Variants in CHSY1 observed in about 807,000 individuals in gnomAD.
CHSY1 encodes chondroitin sulfate synthase 1, also known as N-acetylgalactosaminyl-proteoglycan 3-beta-glucuronosyltransferase 1.
In CHSY1, 13 loss-of-function variants were observed where a neutral mutation model predicts 59.8. The observed-to-expected ratio is 0.22, with a 90% confidence interval of 0.14 to 0.35. The LOEUF (loss-of-function observed/expected upper bound fraction) is 0.35. Ranked by LOEUF, CHSY1 falls within the 10% of genes least tolerant of loss-of-function variation. The pLI is 1.00. For synonymous variants in CHSY1, 459 were observed against 401.2 expected, an observed-to-expected ratio of 1.14 and a Z score of -1.72; for missense variants, 947 against 1,030.6, an observed-to-expected ratio of 0.92 and a Z score of 1.11.
intron 2 of CHSY1, among the ~76,000 whole-genome samples, chr15:101,223,097 G>T (rs982036491): frequency 5.3e-5 from 8 of 152,208 alleles, no homozygotes; most frequent in Non-Finnish European, 1.2e-4. Context: ...AGGTTCAAGT[G>T]ATTTTCCTGC....
At chr15:101,187,306 C>T (rs2038383328) in intron 2 of CHSY1, among the ~76,000 whole-genome samples, 1 of 152,148 alleles carries the variant, frequency 6.6e-6, no homozygotes, top group East Asian at 1.9e-4. Flanking sequence ...TGGTGAAACA[C>T]TGTTTCTATT....
intron 2 of CHSY1, among the ~76,000 whole-genome samples, chr15:101,216,116 G>C (rs2038729257): frequency 6.8e-6 from 1 of 146,426 alleles, no homozygotes; most frequent in East Asian, 2.3e-4. Context: ...TAGAAACACA[G>C]TACCAAATAA....
intron 2 of CHSY1, among the ~76,000 whole-genome samples, chr15:101,194,084 A>G (rs565448304): frequency 3.3e-5 from 5 of 152,398 alleles, no homozygotes. Context: ...TTTAAAAGTG[A>G]AAGTGACTCG....
At chr15:101,245,479 T>C (rs903196983) in intron 1 of CHSY1, among the ~76,000 whole-genome samples, 4 of 152,176 alleles carry the variant, frequency 2.6e-5, no homozygotes, top group East Asian at 1.9e-4. Context: ...CTGACAGCCC[T>C]CATCAACCAA....
At chr15:101,247,651 G>A (rs1184972930) in intron 1 of CHSY1, among the ~76,000 whole-genome samples, 1 of 152,130 alleles carries the variant, frequency 6.6e-6, no homozygotes, top group Non-Finnish European at 1.5e-5. Flanking sequence ...GCTCAGCCCT[G>A]GCTGGTCTCT....
intron 2 of CHSY1, among the ~76,000 whole-genome samples, chr15:101,221,893 T>A (rs565066116): frequency 0.02 from 1,540 of 77,114 alleles, 12 homozygotes; most frequent in Non-Finnish European, 0.028. Context: ...TTTTTTTTTT[T>A]AAAATCCCTG....
Position 101,177,773 on chromosome 15 carries a change from C to G in CHSY1, c.2024G>C (p.Ser675Thr). The G allele has an allele frequency of 6.2e-7, 1 of 1,614,206 alleles. No homozygotes were observed. Among genetic ancestry groups the G allele is most frequent in the Non-Finnish European group, 8.5e-7 (1 of 1,180,040 alleles). Reference sequence around the variant, plus strand: ...CTGAGTAAAGGCAAAATGGTTGTCACTGGGAACTTTCCCACTATAAACAAT... The same window carrying G: ...CTGAGTAAAGGCAAAATGGTTGTCAGTGGGAACTTTCCCACTATAAACAAT... The part of the protein sequence containing the change: ...PKIVYSGKVP[S>T]DNHFAFTQKT... The change falls in exon 3 of 3, where the codon AGT (serine) becomes ACT (threonine). Residue 675 changes from serine to threonine, a missense_variant. Around this residue, in one of 4 missense-constraint regions of CHSY1, gnomAD observed 602 missense variants for 676.9 expected, o/e 0.89. Coordinates refer to ENST00000254190, the MANE Select transcript of CHSY1 (RefSeq NM_014918.5).
intron 2 of CHSY1, among the ~76,000 whole-genome samples, chr15:101,190,037 G>A (rs2038424573): frequency 6.6e-6 from 1 of 152,190 alleles, no homozygotes; most frequent in African/African-American, 2.4e-5. Flanking sequence ...GAGTGCGGTG[G>A]GGTTAAATGC....
At chr15:101,235,720 GC>G in intron 1 of CHSY1, 143 bp from the exon 2 acceptor site, 1 of 835,170 alleles carries the variant, frequency 1.2e-6, no homozygotes, top group Non-Finnish European at 1.9e-6. Context: ...CTTAACGAAA[GC>G]CCAGGTTACC....
intron 2 of CHSY1, among the ~76,000 whole-genome samples, chr15:101,232,406 A>G (rs866037110): frequency 1.3e-5 from 2 of 152,362 alleles, no homozygotes; most frequent in Middle Eastern, 3.4e-3. Context: ...AGAAGCACTT[A>G]AAGCTTTATA....
At chr15:101,180,597 A>G (rs1212541175) in intron 2 of CHSY1, among the ~76,000 whole-genome samples, 3 of 152,136 alleles carry the variant, frequency 2.0e-5, no homozygotes, top group African/African-American at 7.2e-5. Flanking sequence ...GCTACCTACT[A>G]TCAACTTTAC....
intron 2 of CHSY1, among the ~76,000 whole-genome samples, chr15:101,183,554 C>T (rs897231): frequency 0.99 from 151,148 of 152,364 alleles, 74,978 homozygotes; most frequent in Middle Eastern, 1. Context: ...TTACCTTGCA[C>T]TCATTCCTTC....
intron 2 of CHSY1, among the ~76,000 whole-genome samples, chr15:101,198,734 A>G (rs578037474): frequency 1.3e-5 from 2 of 152,340 alleles, no homozygotes; most frequent in Admixed American, 6.5e-5. Context: ...TCGGCACACT[A>G]CGGCCCACTG....
chr15:101,185,699 CT>C (rs10556870), intron 2 of CHSY1, among the ~76,000 whole-genome samples: 50,980 of 121,110 alleles, frequency 0.42, 11,024 homozygotes, highest in East Asian at 0.63. Context: ...CTCGAAATAT[CT>C]TTTTTTTTTT....
intron 1 of CHSY1, among the ~76,000 whole-genome samples, chr15:101,250,754 G>A (rs1389516189): frequency 6.6e-6 from 1 of 152,216 alleles, no homozygotes; most frequent in Non-Finnish European, 1.5e-5. Context: ...AGGGAATCCA[G>A]TATCAGCCCC....
intron 2 of CHSY1, among the ~76,000 whole-genome samples, chr15:101,229,990 G>C (rs2038877430): frequency 6.6e-6 from 1 of 150,696 alleles, no homozygotes. Flanking sequence ...TGCCCAGGCT[G>C]GAGTGAAGTG....
At chr15:101,186,522 G>T (rs1023165174) in intron 2 of CHSY1, among the ~76,000 whole-genome samples, 2 of 152,102 alleles carry the variant, frequency 1.3e-5, no homozygotes, top group African/African-American at 4.8e-5. Flanking sequence ...AAAATGACTG[G>T]GCTGGGCAAG....
chr15:101,208,483 C>A (rs1219605695), intron 2 of CHSY1, among the ~76,000 whole-genome samples: 1 of 152,076 alleles, frequency 6.6e-6, no homozygotes, highest in Non-Finnish European at 1.5e-5. Context: ...GAACCCAAGG[C>A]GGGTGGATCA....
At chr15:101,183,858 C>G (rs745574537) in intron 2 of CHSY1, among the ~76,000 whole-genome samples, 4 of 152,178 alleles carry the variant, frequency 2.6e-5, no homozygotes, top group Non-Finnish European at 5.9e-5. Context: ...CAGAAGGAAA[C>G]AGCTGATGAT....
Sources: gnomAD v4.1 joint callset for allele counts (sites outside exome capture counted in the v4.1 genomes callset) on GRCh38, gnomAD v4.1.1 for gene constraint, gnomAD v4.1.1 regional missense constraint, MANE v1.5 for transcripts, NCBI Gene and HGNC (gene_info 2026-07-23, HGNC 2026-07-21) for gene names.